CXCR4: variants seen among roughly 807,000 people sequenced by gnomAD.
CXCR4 encodes C-X-C motif chemokine receptor 4.
A neutral mutation model predicts 22.4 loss-of-function variants in CXCR4; 6 were observed. The ratio of observed to expected loss-of-function variants is 0.27; its 90% confidence interval spans 0.15 to 0.53. The LOEUF is 0.53. CXCR4 is among the 20% of genes least tolerant of loss of function. The pLI, the probability that CXCR4 is intolerant of heterozygous loss-of-function variation, is 0.96. For synonymous variants in CXCR4, 155 were observed against 171.7 expected (o/e 0.90, Z 0.76); for missense variants, 300 against 430.4 (o/e 0.70, Z 2.68).
At chr2:136,117,435 CGCGGTG>C (rs2104920838) in intron 1 of CXCR4, 1 of 152,566 alleles carries the variant, frequency 6.6e-6, no homozygotes, top group South Asian at 2.0e-4. Flanking sequence ...AGAGGATCGG[CGCGGTG>C]GGTCCACCCG....
intron 1 of CXCR4, 177 bp downstream of exon 1, chr2:136,117,869 T>TTCCCC: frequency 1.2e-5 from 2 of 170,812 alleles, no homozygotes; most frequent in South Asian, 7.0e-5. Context: ...CCAATCCTGC[T>TTCCCC]CCCCCCCCAC....
intron 1 of CXCR4, chr2:136,117,742 T>A: frequency 2.5e-6 from 1 of 392,640 alleles, no homozygotes. Flanking sequence ...CAGAATGTTC[T>A]TACGTTTGCA....
intron 1 of CXCR4, chr2:136,116,257 GAA>G: frequency 4.6e-6 from 5 of 1,095,292 alleles, no homozygotes; most frequent in African/African-American, 1.7e-5. Context: ...TCCTTAGGAG[GAA>G]AAAAAAAATA....
rs1684871135 is a variant in CXCR4, at chr2:136,115,799, G to A, written c.129C>T (p.Thr43=). 9.9e-6 allele frequency: 16 copies of A among 1,614,162 alleles called. No individual in the cohort carries two copies. The highest frequency in any genetic ancestry group is 1.4e-5 in the Non-Finnish European group (16 of 1,180,016). Residue 43 remains threonine (T), a synonymous_variant, in exon 2 of 2, where the codon ACC becomes ACT. Transcript: ENST00000241393. This position sits in a 1 kb window ranked among gnomAD's most constrained non-coding sequence, Gnocchi z 6.4. The part of the protein sequence containing the change: ...NANFNKIFLP[T]IYSIIFLTGI... ...CAGTTAAGAAGATGATGGAGTAGAT[G>A]GTGGGCAGGAAGATTTTATTGAAAT... is the stretch of plus-strand genomic sequence containing the variant.
At position 136,117,974 on chromosome 2, in the gene CXCR4, C is replaced by A. The variant is rs1684965447; in HGVS notation, c.15+72G>T. 8.4e-6 allele frequency: 13 copies of A among 1,542,422 alleles called. 1 individual carries two copies. The South Asian group carries it at 1.5e-4, about 17-fold the overall frequency. Reference sequence around the variant, plus strand: ...CCAATGTCCTGGCCGCTTCTGCCCGCTCGGAGAGGGGCTGCGCTCTAAGTT... The same window carrying A: ...CCAATGTCCTGGCCGCTTCTGCCCGATCGGAGAGGGGCTGCGCTCTAAGTT... On this transcript the variant is annotated intron_variant, in intron 1 of 1. Coordinates refer to ENST00000241393, the MANE Select transcript of CXCR4 (RefSeq NM_003467.3).
At chr2:136,116,367 A>T (rs1573615366) in intron 1 of CXCR4, 1 of 251,284 alleles carries the variant, frequency 4.0e-6, no homozygotes, top group Non-Finnish European at 6.2e-6. Context: ...TCGCCCAGGG[A>T]GGGAAGAGGG....
At position 136,114,718 on chromosome 2, in the gene CXCR4, CAATT is replaced by C; in HGVS notation, c.*147_*150del. On this transcript the variant is annotated 3_prime_UTR_variant, in exon 2 of 2. Transcript: ENST00000241393. ...ACAAAAAAAATTTATATAAATAAGT[CAATT>C]AAACTTCACAAAAACTAAAGAAACA... 4.3e-6 allele frequency: 3 copies of C among 705,016 alleles called. No homozygotes were observed. The highest frequency in any genetic ancestry group is 6.8e-6 in the Non-Finnish European group (3 of 438,630). 43.7% of individuals were successfully genotyped at this position (705,016 alleles called of 1,614,324 possible).
At chr2:136,117,866 T>A in intron 1 of CXCR4, 180 bp downstream of exon 1, 1 of 229,546 alleles carries the variant, frequency 4.4e-6, no homozygotes, top group Non-Finnish European at 8.8e-6. Context: ...ATTCCAATCC[T>A]GCTCCCCCCC....
At chr2:136,117,748 T>C in intron 1 of CXCR4, 1 of 408,292 alleles carries the variant, frequency 2.4e-6, no homozygotes. Flanking sequence ...GTTCTTACGT[T>C]TGCAAACAGC....
Position 136,115,969 on chromosome 2 carries a change from G to GT in CXCR4, c.16-58dup. The stretch of plus-strand genomic sequence containing the variant: ...TTCCAATTCAGCAAGCATTAACCCA[G>GT]TTAAAAAAAATTTTTAAAGCAATTT... On this transcript the variant is annotated intron_variant, in intron 1 of 1. Coordinates refer to ENST00000241393, the MANE Select transcript of CXCR4 (RefSeq NM_003467.3). The surrounding 1 kb of genome is among the most constrained non-coding windows in gnomAD (Gnocchi z 6.4). 1 of 1,613,238 alleles carries GT rather than the reference G, an allele frequency of 6.2e-7. No homozygotes were observed. The highest frequency in any genetic ancestry group is 8.5e-7 in the Non-Finnish European group (1 of 1,179,908).
Position 136,114,486 on chromosome 2 carries a change from C to G in CXCR4, c.*383G>C, listed in dbSNP as rs1389537834. On this transcript the variant is annotated 3_prime_UTR_variant, in exon 2 of 2. Coordinates refer to ENST00000241393, the MANE Select transcript of CXCR4 (RefSeq NM_003467.3). ...CTTTGGTTATAAGTGCCATCTTCTA[C>G]AGCAAAATCACGTCTTAAGAACAGG... 8.1e-6 allele frequency: 2 copies of G among 247,306 alleles called. No individual in the cohort carries two copies. Among genetic ancestry groups the G allele is most frequent in the African/African-American group, 4.4e-5 (2 of 45,140 alleles). 15.3% of individuals were successfully genotyped at this position (247,306 alleles called of 1,614,324 possible).
rs1009306336 is a variant in CXCR4, at chr2:136,114,518, G to A, written c.*351C>T. On this transcript the variant is annotated 3_prime_UTR_variant, in exon 2 of 2. Coordinates refer to ENST00000241393, the MANE Select transcript of CXCR4 (RefSeq NM_003467.3). ...ATCACGTCTTAAGAACAGGAAAAAC[G>A]TTCCACGGGAATGGAGAGATTATCT... The A allele has an allele frequency of 2.4e-5, 6 of 251,548 alleles. No homozygotes were observed. In the East Asian group the frequency reaches 2.4e-4, roughly 10 times the overall value. 15.6% of individuals were successfully genotyped at this position (251,548 alleles called of 1,614,324 possible). A position where few individuals can be genotyped will look rare whatever the true frequency, so the allele number is the denominator to read the frequency against.
chr2:136,116,588 ACCT>A (rs1284242833), intron 1 of CXCR4, among the ~76,000 whole-genome samples: 3 of 151,754 alleles, frequency 2.0e-5, no homozygotes, highest in Non-Finnish European at 4.4e-5. Flanking sequence ...AACAAACGGC[ACCT>A]CCTCCCCCAA....
chr2:136,118,119 C>G lies in CXCR4; in HGVS notation c.-59G>C. On this transcript the variant is annotated 5_prime_UTR_variant, in exon 1 of 2. Transcript: ENST00000241393. ...TGGAGCACTCAGGCCCTCGGCGTCA[C>G]TTTGCTACCTGCTGCCGCAGCCAAC... is the stretch of plus-strand genomic sequence containing the variant. 6.4e-7 allele frequency: 1 copy of G among 1,573,592 alleles called. No individual in the cohort carries two copies. Among genetic ancestry groups the G allele is most frequent in the Non-Finnish European group, 8.7e-7 (1 of 1,145,378 alleles).
In CXCR4 at chr2:136,115,380, C is replaced by G. The variant is rs2104917055; in HGVS notation, c.548G>C (p.Arg183Thr). 3 of 1,614,218 alleles carry G rather than the reference C, an allele frequency of 1.9e-6. No individual in the cohort carries two copies. Among genetic ancestry groups the G allele is most frequent in the Non-Finnish European group, 2.5e-6 (3 of 1,180,052 alleles). The change falls in exon 2 of 2, where the codon AGA becomes ACA. Residue 183 changes from arginine to threonine, a missense_variant. Physicochemically the swap from Arg to Thr is moderately conservative, Grantham distance 71 (BLOSUM62 -1). Coordinates refer to ENST00000241393, the MANE Select transcript of CXCR4 (RefSeq NM_003467.3). This position sits in a 1 kb window ranked among gnomAD's most constrained non-coding sequence, Gnocchi z 6.4. ...IFANVSEADD[R>T]YICDRFYPND... ...GGGGTAGAAGCGGTCACAGATATAT[C>G]TGTCATCTGCCTCACTGACGTTGGC...
In CXCR4 at chr2:136,115,114, G is replaced by C; in HGVS notation, c.814C>G (p.Gln272Glu). 6.2e-7 allele frequency: 1 copy of C among 1,614,196 alleles called. No homozygotes were observed. Among genetic ancestry groups the C allele is most frequent in the Non-Finnish European group, 8.5e-7 (1 of 1,180,034 alleles). ...DSFILLEIIK[Q>E]GCEFENTVHK... Reference sequence around the variant, plus strand: ...ACAGTGTTCTCAAACTCACACCCTTGCTTGATGATTTCCAGGAGGATGAAG... The same window carrying C: ...ACAGTGTTCTCAAACTCACACCCTTCCTTGATGATTTCCAGGAGGATGAAG... The change falls in exon 2 of 2, where the codon CAA becomes GAA. Residue 272 changes from glutamine to glutamate, a missense_variant. This residue lies in a region of CXCR4 where 137 missense variants were observed against 153.2 expected (regional missense o/e 0.89). Transcript: ENST00000241393. This position sits in a 1 kb window ranked among gnomAD's most constrained non-coding sequence, Gnocchi z 6.4.
intron 1 of CXCR4, chr2:136,117,713 C>G (rs1684952398): frequency 3.9e-6 from 1 of 253,314 alleles, no homozygotes; most frequent in African/African-American, 2.3e-5. Flanking sequence ...AGCGCGCACG[C>G]CTTCTCTGCA....
chr2:136,117,944 T>G, intron 1 of CXCR4, 102 bp downstream of exon 1: 1 of 922,152 alleles, frequency 1.1e-6, no homozygotes, highest in Non-Finnish European at 1.6e-6. Context: ...GGAGTACGGG[T>G]ACCTCCAATG....
Position 136,117,262 on chromosome 2 carries a change from A to G in CXCR4, c.15+784T>C, listed in dbSNP as rs181950162. Among the ~76,000 whole-genome samples the G allele has an allele frequency of 2.0e-5, 3 of 152,188 alleles. No individual in the cohort carries two copies. In the East Asian group the frequency reaches 5.8e-4, roughly 30 times the overall value. ...CTGCGCGGTGTCAAAGGGGAGGTCA[A>G]ACCACTCCGCTGACCTCTGCACGAC... On this transcript the variant is annotated intron_variant, in intron 1 of 1. Transcript: ENST00000241393.
Sources: gnomAD v4.1 joint callset for allele counts (sites outside exome capture counted in the v4.1 genomes callset) on GRCh38, gnomAD v4.1.1 for gene constraint, gnomAD v4.1.1 regional missense constraint, Gnocchi (gnomAD v3.1) non-coding constraint, MANE v1.5 for transcripts, NCBI Gene and HGNC (gene_info 2026-07-23, HGNC 2026-07-21) for gene names.